PRG2: variants seen among roughly 807,000 people sequenced by gnomAD.
The protein encoded by PRG2 is proteoglycan 2, pro eosinophil major basic protein.
In PRG2, 23 loss-of-function variants were observed where a neutral mutation model predicts 24.7. The ratio of observed to expected loss-of-function variants is 0.93; its 90% CI spans 0.67 to 1.32. PRG2 has a LOEUF of 1.32. Ranked by LOEUF, PRG2 falls within the 40% of genes most tolerant of loss-of-function variation. The probability of loss-of-function intolerance (pLI) is 0.00; values close to 1 mark genes in which losing one functional copy is unlikely to be tolerated. For missense variants in PRG2, 271 were observed against 280.9 expected (o/e 0.96, Z 0.25); for synonymous variants, 104 against 99.8 (o/e 1.04, Z -0.25).
At chr11:57,387,938 C>T (rs1857079342) in intron 4 of PRG2, 73 bp from the exon 5 acceptor site, 2 of 1,129,010 alleles carry the variant, frequency 1.8e-6, no homozygotes, top group Non-Finnish European at 1.3e-6. Flanking sequence ...CCCGTATCTG[C>T]CAGCTCTTTC....
Position 57,388,622 on chromosome 11 carries a change from C to G in PRG2, c.453G>C (p.Ala151=). The G allele has an allele frequency of 1.2e-6, 2 of 1,613,952 alleles. No homozygotes were observed. The highest frequency in any genetic ancestry group is 2.2e-5 in the South Asian group (2 of 91,074). The change falls in exon 4 of 6, where the codon GCG becomes GCC. Residue 151 remains alanine (A), a synonymous_variant. Transcript: ENST00000311862. ...CAATCCAGACTTGACCCTGGTTGAGCGCGCTGACAGAACACTGGATTCGAT... is the reference window on the plus strand; with the variant it reads ...CAATCCAGACTTGACCCTGGTTGAGGGCGCTGACAGAACACTGGATTCGAT... ...INYRIQCSVS[A]LNQGQVWIGG... is the part of the protein sequence containing the mutation.
chr11:57,388,736 T>G (rs1250424316), intron 3 of PRG2, 28 bp from the exon 4 acceptor site: 1 of 1,610,922 alleles, frequency 6.2e-7, no homozygotes, highest in South Asian at 1.1e-5. Context: ...AGACAAAGAA[T>G]GGAGCATCCT....
At chr11:57,387,590 A>C in intron 5 of PRG2, 57 bp from the exon 6 acceptor site, 1 of 1,542,708 alleles carries the variant, frequency 6.5e-7, no homozygotes, top group Non-Finnish European at 8.9e-7. Context: ...AACTCAACCC[A>C]CAGGAGGGCC....
At chr11:57,388,415 T>C (rs1857089178) in intron 4 of PRG2, among the ~76,000 whole-genome samples, 162 bp downstream of exon 4, 1 of 152,132 alleles carries the variant, frequency 6.6e-6, no homozygotes, top group African/African-American at 2.4e-5. Context: ...CCTTAGCTCT[T>C]CCCTGAATGC....
intron 4 of PRG2, among the ~76,000 whole-genome samples, chr11:57,388,165 AT>A (rs1308704995): frequency 6.8e-6 from 1 of 146,008 alleles, no homozygotes. Context: ...TTTTTTTTTT[AT>A]TTTATTTATT....
rs1308215077 is a variant in PRG2 at position 57,388,626 on chromosome 11, C to G, written c.449G>C (p.Ser150Thr). The change falls in exon 4 of 6, where the codon AGC (serine) becomes ACC (threonine). Residue 150 changes from serine to threonine, a missense_variant. Transcript: ENST00000311862. Reference protein sequence around the residue: ...NINYRIQCSVSALNQGQVWIG... With the variant: ...NINYRIQCSVTALNQGQVWIG... ...CCAGACTTGACCCTGGTTGAGCGCGCTGACAGAACACTGGATTCGATAATT... is the reference window on the plus strand; with the variant it reads ...CCAGACTTGACCCTGGTTGAGCGCGGTGACAGAACACTGGATTCGATAATT... The G allele has an allele frequency of 6.2e-7, 1 of 1,614,008 alleles. No homozygotes were observed. The highest frequency in any genetic ancestry group is 8.5e-7 in the Non-Finnish European group (1 of 1,179,920).
chr11:57,388,840 T>A, intron 3 of PRG2, 132 bp from the exon 4 acceptor site: 1 of 1,449,710 alleles, frequency 6.9e-7, no homozygotes, highest in Non-Finnish European at 9.3e-7. Flanking sequence ...AAAATGCAAC[T>A]TCTGTTTGTA....
At chr11:57,389,355 C>G in intron 2 of PRG2, 38 bp from the exon 3 acceptor site, 2 of 1,583,600 alleles carry the variant, frequency 1.3e-6, no homozygotes, top group Non-Finnish European at 1.7e-6. Context: ...TCCTTCACAT[C>G]TCCCCTTGTT....
intron 2 of PRG2, among the ~76,000 whole-genome samples, 163 bp from the exon 3 acceptor site, chr11:57,389,480 C>G (rs1016983068): frequency 1.1e-4 from 17 of 152,178 alleles, no homozygotes; most frequent in Admixed American, 3.9e-4. Context: ...AGCTGCCTGA[C>G]AAGGTCAAGG....
In PRG2 at chr11:57,389,189, C is replaced by T. The variant is rs752212510; in HGVS notation, c.187G>A (p.Gly63Arg). Residue 63 changes from glycine (G) to arginine (R), a missense_variant, in exon 3 of 6, where the codon GGA becomes AGA. By Grantham distance (125) the Gly-to-Arg change is moderately radical. Transcript: ENST00000311862. ...TCTTTCTTGGAGGCATCTTCACTTC[C>T]AGAGCCCCACTCCTCCTCTTCCTCC... ...ELEEEEEWGS[G>R]SEDASKKDGA... is the part of the protein sequence containing the mutation. The T allele has an allele frequency of 1.6e-5, 26 of 1,614,106 alleles. No individual in the cohort carries two copies. The highest frequency in any genetic ancestry group is 5.0e-5 in the Admixed American group (3 of 60,008).
Position 57,387,818 on chromosome 11 carries a change from A to G in PRG2, c.546T>C (p.Phe182=). The G allele has an allele frequency of 2.5e-6, 4 of 1,585,258 alleles. No homozygotes were observed. The highest frequency in any genetic ancestry group is 3.4e-6 in the Non-Finnish European group (4 of 1,166,130). The change falls in exon 5 of 6, where the codon TTT becomes TTC. Residue 182 remains phenylalanine, a synonymous_variant. Coordinates refer to ENST00000311862, the MANE Select transcript of PRG2 (RefSeq NM_002728.6). The part of the protein sequence containing the change: ...FQWVDGSRWN[F]AYWAAHQPWS... ...AGGGCTGGTGAGCAGCCCAGTATGC[A>G]AAGTTCCAGCGGCTGCCGTCAACCC...
chr11:57,389,393 C>T, intron 2 of PRG2, 76 bp from the exon 3 acceptor site: 1 of 1,475,168 alleles, frequency 6.8e-7, no homozygotes, highest in Middle Eastern at 2.0e-4. Flanking sequence ...ACAGCTCACA[C>T]CTTGCCCTGG....
intron 4 of PRG2, 123 bp from the exon 5 acceptor site, chr11:57,387,988 T>C (rs1857080185): frequency 1.5e-6 from 1 of 650,754 alleles, no homozygotes; most frequent in Non-Finnish European, 2.7e-6. Context: ...TGCTGGACCA[T>C]GATGGGAACT....
At position 57,389,887 on chromosome 11, in the gene PRG2, T is replaced by G. The variant is rs763325722; in HGVS notation, c.58A>C (p.Arg20=). The change falls in exon 2 of 6, where the codon AGG becomes CGG. Residue 20 remains arginine (R), a splice_region_variant and synonymous_variant. Transcript: ENST00000311862. ...AAGACTGAAGGCAAAAAACACTTAC[T>G]TAGATGAAGAGCAGAAACTGCCCCA... ...LFGAVSALHL[R]SETSTFETPL... 1 of 1,608,444 alleles carries G rather than the reference T, an allele frequency of 6.2e-7. No homozygotes were observed. The highest frequency in any genetic ancestry group is 1.7e-5 in the Admixed American group (1 of 59,336).
rs1306758231 is a variant in PRG2 at position 57,389,220 on chromosome 11, C to T, written c.156G>A (p.Arg52=). The T allele has an allele frequency of 6.2e-7, 1 of 1,614,220 alleles. No homozygotes were observed. The highest frequency in any genetic ancestry group is 2.2e-5 in the East Asian group (1 of 44,876). ...PEQEMEETPC[R]ELEEEEEWGS... ...CCCACTCCTCCTCTTCCTCCAGCTCCCTGCAAGGGGTCTCCTCCATCTCCT... is the reference window on the plus strand; with the variant it reads ...CCCACTCCTCCTCTTCCTCCAGCTCTCTGCAAGGGGTCTCCTCCATCTCCT... The change falls in exon 3 of 6, where the codon AGG becomes AGA. Residue 52 remains arginine (R), a synonymous_variant. Coordinates refer to ENST00000311862, the MANE Select transcript of PRG2 (RefSeq NM_002728.6).
rs772226315 is a variant in PRG2, at chr11:57,387,804, G to T, written c.560C>A (p.Ala187Asp). 6.3e-7 allele frequency: 1 copy of T among 1,592,718 alleles called. No individual in the cohort carries two copies. The highest frequency in any genetic ancestry group is 8.5e-7 in the Non-Finnish European group (1 of 1,170,344). The change falls in exon 5 of 6, where the codon GCT (alanine) becomes GAT (aspartate). Residue 187 changes from alanine to aspartate, a missense_variant. Physicochemically the swap from Ala to Asp is moderately radical, Grantham distance 126. Transcript: ENST00000311862. Reference sequence around the variant, plus strand: ...ACCACCGCGGGACCAGGGCTGGTGAGCAGCCCAGTATGCAAAGTTCCAGCG... The same window carrying T: ...ACCACCGCGGGACCAGGGCTGGTGATCAGCCCAGTATGCAAAGTTCCAGCG... ...GSRWNFAYWA[A>D]HQPWSRGGHC...
At position 57,387,392 on chromosome 11, in the gene PRG2, G is replaced by A; in HGVS notation, c.*83C>T. On this transcript the variant is annotated 3_prime_UTR_variant, in exon 6 of 6. Transcript: ENST00000311862. ...TCAGTAAAACCCATTTTATTGCAGGGAGGTGGAGGGAGGGATGGCAAGCAG... is the reference window on the plus strand; with the variant it reads ...TCAGTAAAACCCATTTTATTGCAGGAAGGTGGAGGGAGGGATGGCAAGCAG... The A allele has an allele frequency of 8.4e-7, 1 of 1,185,092 alleles. No individual in the cohort carries two copies. The highest frequency in any genetic ancestry group is 2.4e-5 in the East Asian group (1 of 42,348). 73.4% of individuals were successfully genotyped at this position (1,185,092 alleles called of 1,614,324 possible). A position where few individuals can be genotyped will look rare whatever the true frequency, so the allele number is the denominator to read the frequency against.
chr11:57,389,974 G>C lies in PRG2; in HGVS notation c.-12-18C>G, dbSNP rs1377524198. The C allele has an allele frequency of 3.8e-6, 6 of 1,586,862 alleles. No homozygotes were observed. The highest frequency in any genetic ancestry group is 1.3e-5 in the African/African-American group (1 of 74,266). ...GCTTTATCCTGCAACGGAGAACACAGTTTGTCATTGACACACACAGACACA... is the reference window on the plus strand; with the variant it reads ...GCTTTATCCTGCAACGGAGAACACACTTTGTCATTGACACACACAGACACA... On this transcript the variant is annotated intron_variant, in intron 1 of 5. Transcript: ENST00000311862.
At chr11:57,388,490 C>A in intron 4 of PRG2, 87 bp downstream of exon 4, 2 of 1,564,880 alleles carry the variant, frequency 1.3e-6, no homozygotes, top group South Asian at 2.4e-5. Context: ...GGAGATTATA[C>A]AGGAGAAAAA....
Sources: gnomAD v4.1 joint callset for allele counts (sites outside exome capture counted in the v4.1 genomes callset) on GRCh38, gnomAD v4.1.1 for gene constraint, MANE v1.5 for transcripts, NCBI Gene and HGNC (gene_info 2026-07-23, HGNC 2026-07-21) for gene names.